Variants in DPP6 observed in about 807,000 individuals in gnomAD.
The protein encoded by DPP6 is dipeptidyl peptidase like 6.
A neutral mutation model predicts 122.6 loss-of-function variants in DPP6; 69 were observed. The observed-to-expected ratio is 0.56, with a 90% confidence interval of 0.46 to 0.69. DPP6 has a LOEUF of 0.69. Among genes scored for constraint, DPP6 ranks in the 30% least tolerant of loss-of-function variants. The pLI is 0.00. For synonymous variants in DPP6, 418 were observed against 433.1 expected, an observed-to-expected ratio of 0.97 and a Z score of 0.43; for missense variants, 928 against 1,116.9, an observed-to-expected ratio of 0.83 and a Z score of 2.41.
chr7:154,794,343 G>T (rs1236018181), intron 11 of DPP6, 141 bp downstream of exon 11: 4 of 1,345,386 alleles, frequency 3.0e-6, no homozygotes, highest in Non-Finnish European at 3.9e-6. Context: ...AGCCCGCGGC[G>T]CAGAGTCCCG....
At chr7:154,436,936 T>C (rs1437795194) in intron 1 of DPP6, among the ~76,000 whole-genome samples, 1 of 152,246 alleles carries the variant, frequency 6.6e-6, no homozygotes, top group Non-Finnish European at 1.5e-5. Context: ...GTCTGATCTA[T>C]GTCACTTAAA....
chr7:153,749,429 G>T, the DPP6 span, among the ~76,000 whole-genome samples: 8 of 152,076 alleles, frequency 5.3e-5, no homozygotes, highest in Non-Finnish European at 8.8e-5. The surrounding 1 kb of genome is among the most constrained non-coding windows in gnomAD (Gnocchi z 4.1). Context: ...TCTTTCCCGG[G>T]AAGCGCGCGC....
At chr7:154,105,396 G>T (rs1041777314) in intron 1 of DPP6, among the ~76,000 whole-genome samples, 1 of 152,214 alleles carries the variant, frequency 6.6e-6, no homozygotes, top group African/African-American at 2.4e-5. Flanking sequence ...TCACTGCGGA[G>T]CCTGTGTCTG....
At position 154,508,987 on chromosome 7, in the gene DPP6, A is replaced by G. The variant is rs563189835; in HGVS notation, c.458-31545A>G. On this transcript the variant is annotated intron_variant, in intron 3 of 25. Coordinates refer to ENST00000377770, the MANE Select transcript of DPP6 (RefSeq NM_130797.4). ...CACCATAGATAAAAATTAACTCAAAATGGATCAAAAACCTAAATGTAAGAG... is the reference window on the plus strand; with the variant it reads ...CACCATAGATAAAAATTAACTCAAAGTGGATCAAAAACCTAAATGTAAGAG... 2.6e-5 allele frequency among the ~76,000 whole-genome samples: 4 copies of G among 152,306 alleles called. No homozygotes were observed. The South Asian group carries it at 8.3e-4, about 32-fold the overall frequency.
chr7:154,784,081 T>G (rs1044224501), intron 10 of DPP6, among the ~76,000 whole-genome samples: 1 of 152,118 alleles, frequency 6.6e-6, no homozygotes, highest in Non-Finnish European at 1.5e-5. Context: ...CTTTCCTGCT[T>G]GGAGAAGGTT....
chr7:153,897,476 A>C (rs1379036836), intron 1 of DPP6, among the ~76,000 whole-genome samples: 2 of 152,194 alleles, frequency 1.3e-5, no homozygotes, highest in Non-Finnish European at 2.9e-5. Flanking sequence ...TTAAGTTCGG[A>C]AGATACATAT....
intron 17 of DPP6, among the ~76,000 whole-genome samples, chr7:154,867,226 C>T (rs1054186852): frequency 2.0e-5 from 3 of 152,130 alleles, no homozygotes; most frequent in African/African-American, 4.8e-5. Context: ...TTTTATGACA[C>T]GTCAGATGGT....
intron 1 of DPP6, among the ~76,000 whole-genome samples, chr7:154,411,300 G>A (rs538272493): frequency 1.3e-5 from 2 of 152,170 alleles, no homozygotes; most frequent in South Asian, 4.1e-4. Context: ...CCAGGCTGAA[G>A]TACAGTGTCG....
At chr7:154,534,310 C>T (rs1266148386) in intron 3 of DPP6, among the ~76,000 whole-genome samples, 1 of 152,088 alleles carries the variant, frequency 6.6e-6, no homozygotes, top group Non-Finnish European at 1.5e-5. Flanking sequence ...ATGCTTTCTG[C>T]CTAACATTGG....
chr7:154,663,279 A>G (rs1197721661), intron 6 of DPP6, among the ~76,000 whole-genome samples: 12 of 55,638 alleles, frequency 2.2e-4, no homozygotes, highest in South Asian at 1.1e-3. Flanking sequence ...TCATATAGTC[A>G]TGGTGAATCA....
At chr7:154,151,243 G>A (rs1395077704) in intron 1 of DPP6, among the ~76,000 whole-genome samples, 1 of 152,084 alleles carries the variant, frequency 6.6e-6, no homozygotes, top group East Asian at 1.9e-4. Flanking sequence ...CAGGATGCTT[G>A]CCCCAGGCCT....
the DPP6 span, among the ~76,000 whole-genome samples, chr7:153,871,157 A>G: frequency 1.1e-4 from 17 of 152,304 alleles, 1 homozygote; most frequent in Admixed American, 9.8e-4. Context: ...TGCTGGGAGA[A>G]CCACTACTCT....
At chr7:154,644,903 G>A (rs1393693874) in intron 6 of DPP6, among the ~76,000 whole-genome samples, 1 of 151,824 alleles carries the variant, frequency 6.6e-6, no homozygotes, top group African/African-American at 2.4e-5. Flanking sequence ...TAGATACGAC[G>A]TTTCACTGTC....
chr7:154,015,437 G>T (rs960222994), intron 1 of DPP6, among the ~76,000 whole-genome samples: 1 of 152,052 alleles, frequency 6.6e-6, no homozygotes, highest in Non-Finnish European at 1.5e-5. Context: ...CCTTGTCTCC[G>T]TAAGTGAACT....
chr7:154,156,021 T>C (rs1321168041), intron 1 of DPP6, among the ~76,000 whole-genome samples: 2 of 152,258 alleles, frequency 1.3e-5, no homozygotes, highest in East Asian at 3.8e-4. Flanking sequence ...GTGTGTGGCC[T>C]GGCTCACAGA....
At chr7:154,110,105 T>C (rs1806466840) in intron 1 of DPP6, among the ~76,000 whole-genome samples, 2 of 151,434 alleles carry the variant, frequency 1.3e-5, no homozygotes, top group South Asian at 2.1e-4. Context: ...TGGTTTTTGC[T>C]GGTGCTTCCT....
intron 7 of DPP6, among the ~76,000 whole-genome samples, chr7:154,688,015 C>G (rs1160869070): frequency 6.6e-6 from 1 of 152,194 alleles, no homozygotes; most frequent in Non-Finnish European, 1.5e-5. Context: ...CCACTGTGTT[C>G]CACTCATCTT....
the DPP6 span, among the ~76,000 whole-genome samples, chr7:153,779,202 G>T: frequency 2.0e-5 from 3 of 147,168 alleles, no homozygotes; most frequent in Non-Finnish European, 4.4e-5. Context: ...GGGTACCTTG[G>T]GGAAGTGGTG....
At chr7:154,215,563 A>G (rs898264462) in intron 1 of DPP6, among the ~76,000 whole-genome samples, 3 of 152,180 alleles carry the variant, frequency 2.0e-5, no homozygotes, top group Non-Finnish European at 4.4e-5. Context: ...GAAGAGATAG[A>G]CTTTATCTTG....
Sources: allele counts gnomAD v4.1 joint callset (sites outside exome capture counted in the v4.1 genomes callset), GRCh38; gene constraint gnomAD v4.1.1; non-coding constraint Gnocchi (gnomAD v3.1); transcripts MANE v1.5; gene names NCBI Gene and HGNC (gene_info 2026-07-23, HGNC 2026-07-21).